CYREN: variants seen among roughly 807,000 people sequenced by gnomAD.
The protein encoded by CYREN is cell cycle regulator of NHEJ, also known as cell cycle regulator of non-homologous end joining.
A neutral mutation model predicts 9.7 loss-of-function variants in CYREN; 7 were observed. The observed-to-expected ratio is 0.72, with a 90% CI of 0.41 to 1.36. CYREN has a LOEUF of 1.36. Among genes scored for constraint, CYREN ranks in the 40% most tolerant of loss-of-function variants. CYREN has a pLI of 0.01. For missense variants in CYREN, 215 were observed against 198.1 expected, an observed-to-expected ratio of 1.09 and a Z score of -0.51; for synonymous variants, 76 against 77.9, an observed-to-expected ratio of 0.98 and a Z score of 0.13.
At chr7:135,106,624 G>T (rs1257710101) in intron 2 of CYREN, among the ~76,000 whole-genome samples, 1 of 152,152 alleles carries the variant, frequency 6.6e-6, no homozygotes, top group African/African-American at 2.4e-5. Context: ...CAAGTATTTT[G>T]TTGAGGATTT....
chr7:135,170,407 G>A (rs1356477436), intron 1 of CYREN: 1 of 152,298 alleles, frequency 6.6e-6, no homozygotes, highest in Admixed American at 6.5e-5. Flanking sequence ...ACCTGTGGGA[G>A]GCCCAGAGGG....
At chr7:135,128,907 A>C in intron 2 of CYREN, 1 of 1,466,590 alleles carries the variant, frequency 6.8e-7, no homozygotes. Flanking sequence ...AAAATGCTTT[A>C]ATAGTAATTT....
chr7:135,115,194 C>T (rs527692577), intron 2 of CYREN, among the ~76,000 whole-genome samples: 18 of 152,228 alleles, frequency 1.2e-4, no homozygotes, highest in African/African-American at 2.2e-4. Context: ...TACTTTATCC[C>T]GTAAACTTTA....
In CYREN at chr7:135,159,442, T is replaced by G. The variant is rs1392309502; in HGVS notation, n.356+9307A>C. Among the ~76,000 whole-genome samples the G allele has an allele frequency of 3.3e-5, 5 of 152,228 alleles. No homozygotes were observed. In the East Asian group the frequency reaches 9.6e-4, roughly 29 times the overall value. On this transcript the variant is annotated intron_variant and non_coding_transcript_variant, in intron 2 of 2. Coordinates refer to the CYREN transcript ENST00000459937. ...GCTTAAACCAACAAAAAAGCTGCCT[T>G]AAATTAATCTCCTGAGAATACTTTC...
At chr7:135,171,019 C>G (rs1490318353), upstream of CYREN, among the ~76,000 whole-genome samples, 1 of 152,224 alleles carries the variant, frequency 6.6e-6, no homozygotes, top group Non-Finnish European at 1.5e-5. Context: ...TGGAAAGGCC[C>G]GCCGGGAATT....
At chr7:135,152,823 A>T (rs1336672239) in intron 2 of CYREN, 1 of 152,182 alleles carries the variant, frequency 6.6e-6, no homozygotes, top group East Asian at 1.9e-4. Flanking sequence ...CAAAGTGTGT[A>T]ATGTTTAACA....
chr7:135,097,420 A>C (rs940998133), intron 2 of CYREN, among the ~76,000 whole-genome samples: 2 of 152,192 alleles, frequency 1.3e-5, no homozygotes, highest in Non-Finnish European at 1.5e-5. Context: ...ATTTTAATGA[A>C]ACCAAAGAAA....
intron 2 of CYREN, among the ~76,000 whole-genome samples, chr7:135,101,526 A>G (rs567102101): frequency 6.6e-6 from 1 of 152,254 alleles, no homozygotes; most frequent in South Asian, 2.1e-4. Context: ...CTGTATTCCT[A>G]ATACCTTCCT....
intron 2 of CYREN, among the ~76,000 whole-genome samples, chr7:135,150,002 A>G (rs1829631050): frequency 6.6e-6 from 1 of 152,116 alleles, no homozygotes; most frequent in African/African-American, 2.4e-5. Context: ...AACCTGTGCA[A>G]TTCTTTATTT....
intron 2 of CYREN, among the ~76,000 whole-genome samples, chr7:135,144,966 A>C (rs1829519669): frequency 7.3e-6 from 1 of 137,576 alleles, no homozygotes; most frequent in Admixed American, 7.5e-5. Context: ...AAAAAAAAAA[A>C]AAAGAAGAGG....
At chr7:135,099,749 C>A (rs1406207428) in intron 2 of CYREN, among the ~76,000 whole-genome samples, 1 of 152,134 alleles carries the variant, frequency 6.6e-6, no homozygotes, top group Non-Finnish European at 1.5e-5. Flanking sequence ...CAGTTTTATA[C>A]ACAGTGCCCC....
At chr7:135,116,164 C>G (rs1475509627) in intron 2 of CYREN, among the ~76,000 whole-genome samples, 1 of 152,142 alleles carries the variant, frequency 6.6e-6, no homozygotes, top group East Asian at 1.9e-4. Context: ...GTGCTACACA[C>G]CGTTCTAAGT....
At chr7:135,119,737 C>T (rs1001348964) in intron 2 of CYREN, among the ~76,000 whole-genome samples, 25 of 152,022 alleles carry the variant, frequency 1.6e-4, no homozygotes, top group Non-Finnish European at 2.8e-4. Flanking sequence ...ATTAGCTGGG[C>T]GTGGCAGCGG....
At chr7:135,169,309 C>G (rs1371724842) in intron 1 of CYREN, 1 of 160,294 alleles carries the variant, frequency 6.2e-6, no homozygotes, top group African/African-American at 2.4e-5. Flanking sequence ...TCTGTGCTGA[C>G]TGACTCAGCA....
At chr7:135,116,237 T>C (rs1227797964) in intron 2 of CYREN, among the ~76,000 whole-genome samples, 1 of 152,204 alleles carries the variant, frequency 6.6e-6, no homozygotes. Context: ...GGTTAAATAA[T>C]TTGTCCAAAG....
chr7:135,152,154 A>T (rs1829679779), intron 2 of CYREN, among the ~76,000 whole-genome samples: 1 of 152,274 alleles, frequency 6.6e-6, no homozygotes, highest in African/African-American at 2.4e-5. Flanking sequence ...AAGCCATTTT[A>T]CAGATGAAAA....
intron 2 of CYREN, among the ~76,000 whole-genome samples, chr7:135,141,322 G>A (rs1356575671): frequency 6.6e-6 from 1 of 151,966 alleles, no homozygotes; most frequent in Non-Finnish European, 1.5e-5. Context: ...ATTTCTTCTA[G>A]GTTTTCTAGT....
rs1316149032 is a variant in CYREN, at chr7:135,167,730, A to T, written c.213+2T>A. 3 of 1,614,038 alleles carry T rather than the reference A, an allele frequency of 1.9e-6. No homozygotes were observed. The South Asian group carries it at 3.3e-5, about 18-fold the overall frequency. On this transcript the variant is annotated splice_donor_variant, in intron 3 of 3. Transcript: ENST00000393114. LOFTEE classifies it high-confidence loss of function. ...ATGAGTAAGAGGCTTGTCTGACTTT[A>T]CCTCAATCAGGATTCCCAGAGCAAC...
chr7:135,119,644 G>A (rs925429693), intron 2 of CYREN, among the ~76,000 whole-genome samples: 18 of 152,022 alleles, frequency 1.2e-4, no homozygotes, highest in African/African-American at 2.9e-4. Flanking sequence ...TTGGGAGGCC[G>A]AGGTGGGCAG....
Sources: allele counts gnomAD v4.1 joint callset (sites outside exome capture counted in the v4.1 genomes callset), GRCh38; gene constraint gnomAD v4.1.1; transcripts MANE v1.5; gene names NCBI Gene and HGNC (gene_info 2026-07-23, HGNC 2026-07-21).